The following KCNIP4 variants were observed in gnomAD, a reference collection of about 807,000 sequenced individuals.
The protein encoded by KCNIP4 is potassium voltage-gated channel interacting protein 4, also known as Kv channel-interacting protein 4.
In KCNIP4, 12 loss-of-function variants were observed where a neutral mutation model predicts 34.0. The observed-to-expected ratio is 0.35, with a 90% confidence interval of 0.23 to 0.57. The LOEUF (loss-of-function observed/expected upper bound fraction) is 0.57, where lower values mean the gene tolerates loss of function less well. Ranked by LOEUF, KCNIP4 falls within the 20% of genes least tolerant of loss-of-function variation. The pLI, the probability that KCNIP4 is intolerant of heterozygous loss-of-function variation, is 0.83. For missense variants in KCNIP4, 238 were observed against 311.7 expected (o/e 0.76, Z 1.78); for synonymous variants, 124 against 102.2 (o/e 1.21, Z -1.29).
At chr4:21,375,571 CT>C (rs60626237) in intron 1 of KCNIP4, among the ~76,000 whole-genome samples, 117,927 of 130,110 alleles carry the variant, frequency 0.91, 53,219 homozygotes, top group Non-Finnish European at 0.93. Context: ...GAATTTTTTT[CT>C]TTTTTTTTTT....
chr4:21,479,006 A>C (rs1379044312), intron 1 of KCNIP4, among the ~76,000 whole-genome samples: 1 of 152,230 alleles, frequency 6.6e-6, no homozygotes, highest in African/African-American at 2.4e-5. Flanking sequence ...CCACAAATAC[A>C]TACAGACTAT....
chr4:20,873,081 G>C (rs114930403), intron 2 of KCNIP4, among the ~76,000 whole-genome samples: 1 of 151,782 alleles, frequency 6.6e-6, no homozygotes, highest in African/African-American at 2.4e-5. Context: ...TTCCAATTAC[G>C]CACAATTCCA....
intron 1 of KCNIP4, among the ~76,000 whole-genome samples, chr4:21,576,350 A>G (rs1486921814): frequency 6.6e-6 from 1 of 152,200 alleles, no homozygotes; most frequent in East Asian, 1.9e-4. Context: ...TCCCGTAGGT[A>G]TAACATAAAC....
chr4:21,720,635 A>C (rs1291897071), intron 1 of KCNIP4, among the ~76,000 whole-genome samples: 1 of 146,966 alleles, frequency 6.8e-6, no homozygotes, highest in Non-Finnish European at 1.5e-5. Flanking sequence ...GCACCCATTA[A>C]CTCGTCATTT....
chr4:21,563,692 C>T (rs977120745), intron 1 of KCNIP4, among the ~76,000 whole-genome samples: 1 of 151,954 alleles, frequency 6.6e-6, no homozygotes, highest in Non-Finnish European at 1.5e-5. Flanking sequence ...AGGTTTAGTT[C>T]AAATGCTAAG....
At chr4:21,237,994 A>C (rs945697332) in intron 1 of KCNIP4, among the ~76,000 whole-genome samples, 8 of 152,286 alleles carry the variant, frequency 5.3e-5, no homozygotes, top group Admixed American at 3.3e-4. Flanking sequence ...AATACTGGCA[A>C]ACCGAATCCA....
At chr4:21,367,151 G>C (rs1204005842) in intron 1 of KCNIP4, among the ~76,000 whole-genome samples, 1 of 152,058 alleles carries the variant, frequency 6.6e-6, no homozygotes, top group Non-Finnish European at 1.5e-5. Context: ...CTTATTCTTG[G>C]ACTCCCAGCA....
chr4:21,816,419 A>C (rs1721992653), intron 1 of KCNIP4, among the ~76,000 whole-genome samples: 1 of 152,198 alleles, frequency 6.6e-6, no homozygotes, highest in African/African-American at 2.4e-5. Context: ...GACCTAAAAA[A>C]GTGAAATAAT....
At chr4:21,713,359 C>T (rs900303672) in intron 1 of KCNIP4, among the ~76,000 whole-genome samples, 5 of 152,096 alleles carry the variant, frequency 3.3e-5, no homozygotes, top group African/African-American at 1.2e-4. Context: ...AGGACCATGG[C>T]ACATCTTCTT....
intron 1 of KCNIP4, among the ~76,000 whole-genome samples, chr4:21,395,477 T>TA: frequency 1.3e-5 from 2 of 152,254 alleles, no homozygotes; most frequent in Non-Finnish European, 2.9e-5. Context: ...CCTCTAACCT[T>TA]AGTCACCTAG....
intron 1 of KCNIP4, among the ~76,000 whole-genome samples, chr4:21,276,179 C>G (rs113732856): frequency 6.6e-6 from 1 of 152,150 alleles, no homozygotes. Context: ...CACAACCAGG[C>G]GCCACCTTAA....
intron 1 of KCNIP4, among the ~76,000 whole-genome samples, chr4:21,334,680 C>T (rs1304435510): frequency 1.3e-5 from 2 of 151,994 alleles, no homozygotes; most frequent in African/African-American, 4.8e-5. Flanking sequence ...GCCGTTCACA[C>T]CCCCACCCCA....
chr4:21,075,752 T>C (rs1745431279), intron 1 of KCNIP4, among the ~76,000 whole-genome samples: 1 of 152,204 alleles, frequency 6.6e-6, no homozygotes, highest in Non-Finnish European at 1.5e-5. Flanking sequence ...CTTTACAATT[T>C]GGCATGTTTT....
At chr4:21,391,842 G>T (rs939085653) in intron 1 of KCNIP4, among the ~76,000 whole-genome samples, 2 of 152,048 alleles carry the variant, frequency 1.3e-5, no homozygotes, top group Admixed American at 6.6e-5. Context: ...AACCAGTACT[G>T]CTGTGTAAGT....
At chr4:21,372,353 A>AATAGATAGATAGATAGATAGATAG (rs140861893) in intron 1 of KCNIP4, among the ~76,000 whole-genome samples, 6 of 138,974 alleles carry the variant, frequency 4.3e-5, no homozygotes, top group East Asian at 2.2e-4. Flanking sequence ...CAGTTTGGTG[A>AATAGATAGATAGATAGATAGATAG]ATAGATAGAT....
chr4:21,480,642 G>A (rs185469860), intron 1 of KCNIP4, among the ~76,000 whole-genome samples: 1 of 152,160 alleles, frequency 6.6e-6, no homozygotes, highest in Admixed American at 6.6e-5. Flanking sequence ...CTCAGCAATA[G>A]CCATACAGAA....
At chr4:21,018,464 T>G (rs1447750904) in intron 1 of KCNIP4, among the ~76,000 whole-genome samples, 3 of 152,170 alleles carry the variant, frequency 2.0e-5, no homozygotes, top group African/African-American at 7.2e-5. Context: ...ATGTTTGCAC[T>G]AAGGCCACAC....
At chr4:21,123,274 T>C (rs140111447) in intron 1 of KCNIP4, among the ~76,000 whole-genome samples, 1 of 152,210 alleles carries the variant, frequency 6.6e-6, no homozygotes, top group Non-Finnish European at 1.5e-5. Flanking sequence ...ATCTCATTTA[T>C]ATTTATTGAA....
intron 1 of KCNIP4, among the ~76,000 whole-genome samples, chr4:21,191,802 GCTGA>G (rs1181658842): frequency 6.6e-6 from 1 of 152,108 alleles, no homozygotes; most frequent in Non-Finnish European, 1.5e-5. Context: ...TTCCCTCCTT[GCTGA>G]CTATTCAGAT....
Sources: gnomAD v4.1 joint callset for allele counts (sites outside exome capture counted in the v4.1 genomes callset) on GRCh38, gnomAD v4.1.1 for gene constraint, MANE v1.5 for transcripts, NCBI Gene and HGNC (gene_info 2026-07-23, HGNC 2026-07-21) for gene names.